GCA: variants seen among roughly 807,000 people sequenced by gnomAD.
The protein encoded by GCA is grancalcin.
Under a neutral mutation model 32.6 loss-of-function variants are expected in GCA, and 30 were observed. That is an observed-to-expected ratio of 0.92 (90% CI 0.69 to 1.25). The LOEUF (loss-of-function observed/expected upper bound fraction) is 1.25, where lower values mean the gene tolerates loss of function less well. Among genes scored for constraint, GCA ranks in the 50% most tolerant of loss-of-function variants. The pLI, the probability that GCA is intolerant of heterozygous loss-of-function variation, is 0.00. For synonymous variants in GCA, 102 were observed against 84.6 expected (o/e 1.21, Z -1.13); for missense variants, 291 against 266.8 (o/e 1.09, Z -0.63).
chr2:162,333,974 G>T (rs1684179864), intron 1 of GCA, among the ~76,000 whole-genome samples: 1 of 152,192 alleles, frequency 6.6e-6, no homozygotes, highest in Non-Finnish European at 1.5e-5. Flanking sequence ...ACTGCCTAAG[G>T]CTCATCTTAT....
intron 1 of GCA, among the ~76,000 whole-genome samples, chr2:162,320,704 G>A (rs1683631705): frequency 6.6e-6 from 1 of 152,142 alleles, no homozygotes; most frequent in African/African-American, 2.4e-5. Flanking sequence ...TTTAAAATAT[G>A]TTTATTAAGT....
At chr2:162,327,576 G>T (rs1313643104) in intron 1 of GCA, among the ~76,000 whole-genome samples, 1 of 152,146 alleles carries the variant, frequency 6.6e-6, no homozygotes, top group Non-Finnish European at 1.5e-5. Flanking sequence ...TAGGGTCCTG[G>T]ATATTGCCTG....
chr2:162,361,326 C>T lies in GCA; in HGVS notation c.*1083C>T. On this transcript the variant is annotated 3_prime_UTR_variant, in exon 8 of 8. Transcript: ENST00000437150. ...ACCAGATCTTTAGTGTTTAATATCC[C>T]TGGTATAAGATGTTATAATTAATGT... The T allele has an allele frequency of 1.0e-6, 1 of 983,536 alleles. No individual in the cohort carries two copies. The allele number at this position is 983,536 out of a possible 1,614,324, so 60.9% of individuals were successfully genotyped here. A position where few individuals can be genotyped will look rare whatever the true frequency, so the allele number is the denominator to read the frequency against.
chr2:162,331,778 G>GTA (rs1684092693), intron 1 of GCA, among the ~76,000 whole-genome samples: 1 of 152,116 alleles, frequency 6.6e-6, no homozygotes, highest in African/African-American at 2.4e-5. Flanking sequence ...GAGACAAACT[G>GTA]TATATATATA....
intron 3 of GCA, among the ~76,000 whole-genome samples, chr2:162,354,732 C>G (rs1404518707): frequency 6.6e-6 from 1 of 152,132 alleles, no homozygotes; most frequent in Non-Finnish European, 1.5e-5. Flanking sequence ...TTGGTTAACT[C>G]ACATCCATCA....
chr2:162,326,048 G>A (rs931836949), intron 1 of GCA, among the ~76,000 whole-genome samples: 2 of 152,190 alleles, frequency 1.3e-5, no homozygotes, highest in African/African-American at 4.8e-5. Flanking sequence ...ACCCAGAGGA[G>A]CAGGGCTTGA....
chr2:162,368,283 T>C (rs1372657090), intron 4 of GCA, among the ~76,000 whole-genome samples: 1 of 141,490 alleles, frequency 7.1e-6, no homozygotes, highest in Admixed American at 6.9e-5. Flanking sequence ...TATAACTTGA[T>C]TTTTTGATAA....
rs1204864789 is a variant in GCA at position 162,362,296 on chromosome 2, C to A, written c.*2053C>A. 2 of 984,412 alleles carry A rather than the reference C, an allele frequency of 2.0e-6. No individual in the cohort carries two copies. Among genetic ancestry groups the A allele is most frequent in the African/African-American group, 3.5e-5 (2 of 57,126 alleles). The allele number at this position is 984,412 out of a possible 1,614,324, so 61.0% of individuals were successfully genotyped here. A position where few individuals can be genotyped will look rare whatever the true frequency, so the allele number is the denominator to read the frequency against. On this transcript the variant is annotated 3_prime_UTR_variant, in exon 8 of 8. Coordinates refer to ENST00000437150, the MANE Select transcript of GCA (RefSeq NM_012198.5). ...AACCTAACATTCTATGCCGATCCAA[C>A]TTAATTGCCAGGCAACTCTTCTGCA...
chr2:162,323,808 G>A (rs551657945), intron 1 of GCA, among the ~76,000 whole-genome samples: 2 of 151,996 alleles, frequency 1.3e-5, no homozygotes, highest in African/African-American at 4.8e-5. Context: ...TTTGGTTACT[G>A]TAGCCTTGTA....
chr2:162,348,757 T>G (rs950880986), intron 2 of GCA, among the ~76,000 whole-genome samples: 2 of 152,162 alleles, frequency 1.3e-5, no homozygotes, highest in African/African-American at 4.8e-5. Context: ...TACCACAGTT[T>G]ATTCTTTTCC....
chr2:162,329,725 A>G (rs1487593349), intron 1 of GCA, among the ~76,000 whole-genome samples: 1 of 151,950 alleles, frequency 6.6e-6, no homozygotes, highest in African/African-American at 2.4e-5. Context: ...GTGCAGGTTT[A>G]TTACATAGGT....
chr2:162,344,363 C>A, intron 1 of GCA, 88 bp downstream of exon 1: 1 of 1,278,774 alleles, frequency 7.8e-7, no homozygotes, highest in South Asian at 1.2e-5. Flanking sequence ...CCGCCCTTGG[C>A]TCCTGCTCCC....
chr2:162,322,726 A>C (rs1683725972), intron 1 of GCA, among the ~76,000 whole-genome samples: 1 of 151,344 alleles, frequency 6.6e-6, no homozygotes, highest in Non-Finnish European at 1.5e-5. Context: ...GTCCCTACAA[A>C]GGACATGAAC....
chr2:162,349,665 A>G (rs748628454), intron 2 of GCA, among the ~76,000 whole-genome samples: 1 of 152,184 alleles, frequency 6.6e-6, no homozygotes, highest in East Asian at 1.9e-4. Flanking sequence ...CATGAAAATC[A>G]TCTTGAAGGA....
downstream of GCA, among the ~76,000 whole-genome samples, chr2:162,374,671 A>C (rs886291638): frequency 1.3e-5 from 2 of 152,196 alleles, no homozygotes; most frequent in Non-Finnish European, 2.9e-5. Flanking sequence ...TTTTGATTTG[A>C]TAGAGAACAT....
At chr2:162,338,867 A>C (rs1684355251) in intron 1 of GCA, among the ~76,000 whole-genome samples, 2 of 152,220 alleles carry the variant, frequency 1.3e-5, no homozygotes, top group African/African-American at 4.8e-5. Flanking sequence ...ATTGCTTAAT[A>C]GACTTAATAA....
At chr2:162,373,266 T>G (rs1178547118), downstream of GCA, among the ~76,000 whole-genome samples, 1 of 152,182 alleles carries the variant, frequency 6.6e-6, no homozygotes, top group African/African-American at 2.4e-5. Context: ...TTCATTGTTC[T>G]CAAACTTTAA....
chr2:162,335,104 T>A (rs193255499), intron 1 of GCA, among the ~76,000 whole-genome samples: 1 of 152,178 alleles, frequency 6.6e-6, no homozygotes. Flanking sequence ...CATATCCCAC[T>A]CCCTAGCTAT....
At chr2:162,351,807 C>T (rs1396538248) in intron 2 of GCA, among the ~76,000 whole-genome samples, 1 of 152,000 alleles carries the variant, frequency 6.6e-6, no homozygotes, top group Non-Finnish European at 1.5e-5. Context: ...CATTTTAAAA[C>T]TTTATTTTCT....
Sources: allele counts gnomAD v4.1 joint callset (sites outside exome capture counted in the v4.1 genomes callset), GRCh38; gene constraint gnomAD v4.1.1; transcripts MANE v1.5; gene names NCBI Gene and HGNC (gene_info 2026-07-23, HGNC 2026-07-21).